Variants in NEIL2 observed in about 807,000 individuals in gnomAD.
NEIL2 encodes nei like DNA glycosylase 2.
In NEIL2, 23 loss-of-function variants were observed where a neutral mutation model predicts 22.2. The observed-to-expected ratio is 1.04, with a 90% CI of 0.75 to 1.47. The LOEUF (loss-of-function observed/expected upper bound fraction) is 1.47. NEIL2 is among the 40% of genes most tolerant of loss of function. The probability of loss-of-function intolerance (pLI) is 0.00; values close to 1 mark genes in which losing one functional copy is unlikely to be tolerated. For synonymous variants in NEIL2, 229 were observed against 164.8 expected, an observed-to-expected ratio of 1.39 and a Z score of -2.99; for missense variants, 583 against 404.7, an observed-to-expected ratio of 1.44 and a Z score of -3.78.
chr8:11,782,984 G>T, intron 3 of NEIL2: 1 of 619,170 alleles, frequency 1.6e-6, no homozygotes, highest in Admixed American at 2.3e-5. Flanking sequence ...ATGTGGGGAT[G>T]TGTGTATGTG....
In NEIL2 at chr8:11,782,942, A is replaced by G. The variant is rs1035080345; in HGVS notation, c.492-261A>G. On this transcript the variant is annotated intron_variant, in intron 3 of 4. Coordinates refer to ENST00000284503, the MANE Select transcript of NEIL2 (RefSeq NM_145043.4). ...GTGTGTATGTGTGTATGATCCAGCCACAGAGTGTCCTCTGACTATGTTGTG... is the reference window on the plus strand; with the variant it reads ...GTGTGTATGTGTGTATGATCCAGCCGCAGAGTGTCCTCTGACTATGTTGTG... 7.3e-6 allele frequency: 4 copies of G among 548,662 alleles called. No homozygotes were observed. The African/African-American group carries it at 7.6e-5, about 10-fold the overall frequency. The allele number at this position is 548,662 out of a possible 1,614,324, so 34.0% of individuals were successfully genotyped here. A position where few individuals can be genotyped will look rare whatever the true frequency, so the allele number is the denominator to read the frequency against.
intron 2 of NEIL2, 135 bp from the exon 3 acceptor site, chr8:11,779,463 G>C: frequency 1.3e-6 from 1 of 770,326 alleles, no homozygotes; most frequent in Non-Finnish European, 2.2e-6. Context: ...GCAAAAGGCA[G>C]AGTCCAAAGA....
intron 2 of NEIL2, among the ~76,000 whole-genome samples, chr8:11,776,358 T>G (rs776670986): frequency 6.6e-6 from 1 of 152,200 alleles, no homozygotes; most frequent in South Asian, 2.1e-4. Flanking sequence ...GTGGGAATTA[T>G]GGGAGCTAAA....
At chr8:11,771,940 C>T (rs8191536) in intron 2 of NEIL2, among the ~76,000 whole-genome samples, 3 of 152,088 alleles carry the variant, frequency 2.0e-5, no homozygotes, top group East Asian at 3.9e-4. Context: ...CACGGTGGCT[C>T]GCACCTGTAA....
chr8:11,779,979 G>A lies in NEIL2; in HGVS notation c.491+29G>A, dbSNP rs773996321. The stretch of plus-strand genomic sequence containing the variant: ...ATGGTGTGGCCATCTGATTTTCGTG[G>A]GCTCTGATAGTCATAGGGCCCTGCT... On this transcript the variant is annotated intron_variant, in intron 3 of 4. Coordinates refer to ENST00000284503, the MANE Select transcript of NEIL2 (RefSeq NM_145043.4). 1.9e-6 allele frequency: 3 copies of A among 1,586,056 alleles called. No individual in the cohort carries two copies. The East Asian group carries it at 6.7e-5, about 35-fold the overall frequency.
At position 11,771,557 on chromosome 8, in the gene NEIL2, T is replaced by G. The variant is rs1007299808; in HGVS notation, c.110T>G (p.Leu37Arg). The G allele has an allele frequency of 6.2e-7, 1 of 1,613,930 alleles. No individual in the cohort carries two copies. The highest frequency in any genetic ancestry group is 1.3e-5 in the African/African-American group (1 of 74,898). Residue 37 changes from leucine to arginine, a missense_variant, in exon 2 of 5, where the codon CTG becomes CGG. Coordinates refer to ENST00000284503, the MANE Select transcript of NEIL2 (RefSeq NM_145043.4). ...GSSKKLQPAS[L>R]QSLWLQDTQV... ...AGTAAGAAGCTACAGCCCGCCAGCCTGCAGTCTCTGTGGCTCCAGGACACC... is the reference window on the plus strand; with the variant it reads ...AGTAAGAAGCTACAGCCCGCCAGCCGGCAGTCTCTGTGGCTCCAGGACACC...
intron 2 of NEIL2, among the ~76,000 whole-genome samples, chr8:11,776,096 G>T (rs558032605): frequency 6.6e-6 from 1 of 152,266 alleles, no homozygotes; most frequent in African/African-American, 2.4e-5. Context: ...ACCAAGACTT[G>T]GTAATTTATA....
At chr8:11,776,396 C>G (rs1585752243) in intron 2 of NEIL2, among the ~76,000 whole-genome samples, 1 of 152,200 alleles carries the variant, frequency 6.6e-6, no homozygotes, top group Non-Finnish European at 1.5e-5. Context: ...GGTGGAGACA[C>G]AGCCAAACCA....
At chr8:11,776,826 T>C (rs564393950) in intron 2 of NEIL2, among the ~76,000 whole-genome samples, 1 of 152,272 alleles carries the variant, frequency 6.6e-6, no homozygotes, top group Admixed American at 6.5e-5. Flanking sequence ...CAGTTACCCT[T>C]CCTGTGCCTG....
intron 1 of NEIL2, 63 bp from the exon 2 acceptor site, chr8:11,771,383 G>A: frequency 6.2e-7 from 1 of 1,605,286 alleles, no homozygotes; most frequent in South Asian, 1.1e-5. Context: ...CTTGGCACCT[G>A]TTAAAGATGC....
At position 11,771,546 on chromosome 8, in the gene NEIL2, G is replaced by T. The variant is rs2130426701; in HGVS notation, c.99G>T (p.Gln33His). 1.2e-6 allele frequency: 2 copies of T among 1,614,130 alleles called. No homozygotes were observed. The highest frequency in any genetic ancestry group is 4.5e-5 in the East Asian group (2 of 44,882). ...VKTGGSSKKLQPASLQSLWLQ... is the reference protein window; with the variant it reads ...VKTGGSSKKLHPASLQSLWLQ... ...CAGGGGGCAGCAGTAAGAAGCTACA[G>T]CCCGCCAGCCTGCAGTCTCTGTGGC... Residue 33 changes from glutamine to histidine, a missense_variant, in exon 2 of 5, where the codon CAG becomes CAT. Coordinates refer to ENST00000284503, the MANE Select transcript of NEIL2 (RefSeq NM_145043.4).
In NEIL2 at chr8:11,779,893, A is replaced by G; in HGVS notation, c.434A>G (p.Asp145Gly). 6.2e-7 allele frequency: 1 copy of G among 1,614,046 alleles called. No individual in the cohort carries two copies. The highest frequency in any genetic ancestry group is 8.5e-7 in the Non-Finnish European group (1 of 1,180,006). ...TTGTTTGGCAGCGTTTGGGTGAACG[A>G]TTTCTCCAGAGCCAAGAAAGCCAAC... ...FGLFGSVWVN[D>G]FSRAKKANKR... The change falls in exon 3 of 5, where the codon GAT becomes GGT. Residue 145 changes from aspartate to glycine, a missense_variant. By Grantham distance (94) the Asp-to-Gly change is moderately conservative. Transcript: ENST00000284503.
In NEIL2 at chr8:11,779,783, C is replaced by T. The variant is rs554669219; in HGVS notation, c.324C>T (p.Val108=). The T allele has an allele frequency of 8.7e-6, 14 of 1,614,202 alleles. No individual in the cohort carries two copies. In the East Asian group the frequency reaches 2.0e-4, roughly 23 times the overall value. ...LDGSSRSAEL[V]PQGEDDSEYL... ...GATCCTCACGGTCTGCAGAGCTCGTCCCCCAGGGCGAGGATGATTCTGAGT... is the reference window on the plus strand; with the variant it reads ...GATCCTCACGGTCTGCAGAGCTCGTTCCCCAGGGCGAGGATGATTCTGAGT... Residue 108 remains valine (V), a synonymous_variant, in exon 3 of 5, where the codon GTC becomes GTT. Transcript: ENST00000284503.
At chr8:11,785,135 G>T (rs8191658) in intron 4 of NEIL2, among the ~76,000 whole-genome samples, 4,002 of 152,158 alleles carry the variant, frequency 0.026, 165 homozygotes, top group African/African-American at 0.092. Context: ...GCCTCCCAAA[G>T]TGCTGGGATT....
At chr8:11,777,671 A>G (rs990689219) in intron 2 of NEIL2, among the ~76,000 whole-genome samples, 8 of 152,088 alleles carry the variant, frequency 5.3e-5, no homozygotes, top group African/African-American at 1.5e-4. Flanking sequence ...CACTTAGTAT[A>G]AAGTCCTCAA....
intron 4 of NEIL2, among the ~76,000 whole-genome samples, chr8:11,785,104 T>C (rs1804781023): frequency 6.6e-6 from 1 of 152,192 alleles, no homozygotes; most frequent in East Asian, 1.9e-4. Context: ...ACTTGTGGGC[T>C]TAAATGATCC....
chr8:11,775,092 A>T (rs577828273), intron 2 of NEIL2, among the ~76,000 whole-genome samples: 1 of 152,322 alleles, frequency 6.6e-6, no homozygotes, highest in South Asian at 2.1e-4. Flanking sequence ...CCCAGTGGGA[A>T]CTCTGCCTTG....
chr8:11,777,020 A>G (rs897219446), intron 2 of NEIL2, among the ~76,000 whole-genome samples: 2 of 152,044 alleles, frequency 1.3e-5, no homozygotes, highest in Non-Finnish European at 2.9e-5. Flanking sequence ...GCCTTCAGGT[A>G]TGTCCCCTCA....
chr8:11,776,013 C>G (rs1449577489), intron 2 of NEIL2, among the ~76,000 whole-genome samples: 1 of 152,228 alleles, frequency 6.6e-6, no homozygotes, highest in African/African-American at 2.4e-5. Context: ...TTTTAGATGT[C>G]TTTACAGCAA....
Sources: gnomAD v4.1 joint callset for allele counts (sites outside exome capture counted in the v4.1 genomes callset) on GRCh38, gnomAD v4.1.1 for gene constraint, MANE v1.5 for transcripts, NCBI Gene and HGNC (gene_info 2026-07-23, HGNC 2026-07-21) for gene names.